Variants in HDAC9 observed in about 807,000 individuals in gnomAD.
HDAC9 encodes the protein histone deacetylase 9.
In HDAC9, 41 loss-of-function variants were observed where a neutral mutation model predicts 139.4. The ratio of observed to expected loss-of-function variants is 0.29; its 90% confidence interval spans 0.23 to 0.38. The LOEUF is 0.38. Ranked by LOEUF, HDAC9 falls within the 10% of genes least tolerant of loss-of-function variation. The pLI, the probability that HDAC9 is intolerant of heterozygous loss-of-function variation, is 1.00. For synonymous variants in HDAC9, 517 were observed against 476.2 expected (o/e 1.09, Z -1.12); for missense variants, 1,147 against 1,297.0 (o/e 0.88, Z 1.78).
chr7:18,658,211 A>G (rs1460026537), intron 11 of HDAC9, among the ~76,000 whole-genome samples: 1 of 151,898 alleles, frequency 6.6e-6, no homozygotes, highest in East Asian at 1.9e-4. Context: ...TGCCTCCCCT[A>G]CTGTGTGCTG....
intron 2 of HDAC9, among the ~76,000 whole-genome samples, chr7:18,202,592 G>T (rs1791212790): frequency 6.6e-6 from 1 of 152,202 alleles, no homozygotes; most frequent in Non-Finnish European, 1.5e-5. Flanking sequence ...CAGACTAGTA[G>T]ATTTAAGAGT....
intron 6 of HDAC9, among the ~76,000 whole-genome samples, chr7:18,598,283 G>A (rs563285823): frequency 1.3e-5 from 2 of 151,960 alleles, no homozygotes; most frequent in East Asian, 1.9e-4. Flanking sequence ...CAAGATTGAC[G>A]AACACTGGAG....
chr7:18,415,850 A>AT (rs1789003444), intron 1 of HDAC9, among the ~76,000 whole-genome samples: 1 of 152,188 alleles, frequency 6.6e-6, no homozygotes, highest in Non-Finnish European at 1.5e-5. Flanking sequence ...TCTTTACTGT[A>AT]TTCTTGCTCT....
At chr7:18,487,467 G>A (rs1373385353) in intron 1 of HDAC9, among the ~76,000 whole-genome samples, 2 of 152,022 alleles carry the variant, frequency 1.3e-5, no homozygotes, top group African/African-American at 4.8e-5. Context: ...AACTTGAATG[G>A]CCTTAGAGTG....
chr7:18,497,878 G>T (rs1326340973), intron 2 of HDAC9, among the ~76,000 whole-genome samples: 1 of 152,044 alleles, frequency 6.6e-6, no homozygotes, highest in African/African-American at 2.4e-5. Flanking sequence ...TGAAGCTAAG[G>T]CTGGCTACAG....
At chr7:18,518,476 T>C (rs1803937708) in intron 2 of HDAC9, among the ~76,000 whole-genome samples, 1 of 152,188 alleles carries the variant, frequency 6.6e-6, no homozygotes, top group Admixed American at 6.5e-5. Context: ...GAAAGAGTGA[T>C]AACAAATTTG....
intron 1 of HDAC9, among the ~76,000 whole-genome samples, chr7:18,292,556 G>A (rs150387494): frequency 3.9e-5 from 6 of 152,166 alleles, no homozygotes; most frequent in African/African-American, 1.2e-4. Flanking sequence ...GAGGCGGGTG[G>A]GGATGGTGTG....
At chr7:18,655,169 T>G (rs1462613922) in intron 11 of HDAC9, among the ~76,000 whole-genome samples, 2 of 152,188 alleles carry the variant, frequency 1.3e-5, no homozygotes, top group South Asian at 4.1e-4. Flanking sequence ...GGAACTGGGC[T>G]TTCATTTAGG....
At chr7:18,520,739 T>C (rs2128214188) in intron 2 of HDAC9, among the ~76,000 whole-genome samples, 1 of 152,128 alleles carries the variant, frequency 6.6e-6, no homozygotes, top group African/African-American at 2.4e-5. Context: ...ACCCAGAGAG[T>C]AAGTACAACT....
chr7:18,141,587 T>C (rs1377326392), intron 1 of HDAC9, among the ~76,000 whole-genome samples: 1 of 152,138 alleles, frequency 6.6e-6, no homozygotes, highest in Admixed American at 6.6e-5. Context: ...GTTTTTCAAA[T>C]AAAATTTTAA....
chr7:18,175,768 A>AACC (rs1788844101), intron 2 of HDAC9, among the ~76,000 whole-genome samples: 8 of 112,790 alleles, frequency 7.1e-5, no homozygotes, highest in Non-Finnish European at 9.2e-5. Context: ...ATTATTTTTA[A>AACC]CCCCCCCCCC....
At chr7:18,652,975 G>A (rs1198888338) in intron 11 of HDAC9, among the ~76,000 whole-genome samples, 3 of 152,082 alleles carry the variant, frequency 2.0e-5, no homozygotes, top group African/African-American at 4.8e-5. Flanking sequence ...AATGGCTCAT[G>A]CCTGTAATCC....
intron 2 of HDAC9, among the ~76,000 whole-genome samples, chr7:18,232,435 T>G (rs1373875309): frequency 1.3e-5 from 2 of 152,200 alleles, no homozygotes; most frequent in Non-Finnish European, 2.9e-5. Context: ...TTATAAACTT[T>G]TCTGTGTTCT....
chr7:18,306,382 A>G (rs748027020), intron 1 of HDAC9, among the ~76,000 whole-genome samples: 1 of 152,232 alleles, frequency 6.6e-6, no homozygotes, highest in Admixed American at 6.5e-5. Context: ...GCAAGGAGAT[A>G]TGGGTGGACT....
At chr7:18,511,504 G>A (rs1243543819) in intron 2 of HDAC9, among the ~76,000 whole-genome samples, 1 of 152,094 alleles carries the variant, frequency 6.6e-6, no homozygotes, top group African/African-American at 2.4e-5. Flanking sequence ...GGCTGCGGTG[G>A]GAGGATTGCT....
At chr7:18,624,699 A>C (rs2128956679) in intron 6 of HDAC9, among the ~76,000 whole-genome samples, 1 of 151,972 alleles carries the variant, frequency 6.6e-6, no homozygotes, top group African/African-American at 2.4e-5. Context: ...AAATAGAATT[A>C]ACTCTAACTG....
intron 2 of HDAC9, among the ~76,000 whole-genome samples, chr7:18,233,523 A>C (rs1467668069): frequency 2.0e-5 from 3 of 151,972 alleles, no homozygotes; most frequent in African/African-American, 7.2e-5. Context: ...AAATAGTGAC[A>C]ATAATGGAAA....
In HDAC9 at chr7:18,842,070, G is replaced by A. The variant is rs537955666; in HGVS notation, c.2684+6073G>A. The stretch of plus-strand genomic sequence containing the variant: ...TAACTTTGAAATAAAGCATGATTTC[G>A]TTGTCATCTAAAAGTCATGCTTAAC... On this transcript the variant is annotated intron_variant, in intron 21 of 25. Transcript: ENST00000686413. 5.9e-5 allele frequency among the ~76,000 whole-genome samples: 9 copies of A among 152,084 alleles called. No individual in the cohort carries two copies. In the South Asian group the frequency reaches 8.3e-4, roughly 14 times the overall value.
chr7:18,631,935 A>T (rs1028790561), intron 7 of HDAC9, among the ~76,000 whole-genome samples: 2 of 152,024 alleles, frequency 1.3e-5, no homozygotes, highest in African/African-American at 4.8e-5. Flanking sequence ...CCTGAATTCT[A>T]GTGCTTATCA....
Sources: allele counts gnomAD v4.1 joint callset (sites outside exome capture counted in the v4.1 genomes callset), GRCh38; gene constraint gnomAD v4.1.1; transcripts MANE v1.5; gene names NCBI Gene and HGNC (gene_info 2026-07-23, HGNC 2026-07-21).